GRIA2: variants seen among roughly 807,000 people sequenced by gnomAD.
GRIA2 encodes the protein glutamate receptor 2.
Under a neutral mutation model 97.3 loss-of-function variants are expected in GRIA2, and 14 were observed. The observed-to-expected ratio is 0.14, with a 90% CI of 0.10 to 0.23. GRIA2 has a LOEUF of 0.23. Ranked by LOEUF, GRIA2 falls within the 10% of genes least tolerant of loss-of-function variation. The pLI, the probability that GRIA2 is intolerant of heterozygous loss-of-function variation, is 1.00. For missense variants in GRIA2, 558 were observed against 1,069.8 expected, an observed-to-expected ratio of 0.52 and a Z score of 6.67; for synonymous variants, 412 against 387.8, an observed-to-expected ratio of 1.06 and a Z score of -0.73.
intron 2 of GRIA2, among the ~76,000 whole-genome samples, chr4:157,248,838 T>TA (rs1191369649): frequency 6.8e-6 from 1 of 146,128 alleles, no homozygotes; most frequent in Non-Finnish European, 1.5e-5. Context: ...TTTTTTTATT[T>TA]AAAAAAATAT....
intron 12 of GRIA2, among the ~76,000 whole-genome samples, chr4:157,346,569 A>G (rs2126962096): frequency 6.6e-6 from 1 of 152,218 alleles, no homozygotes; most frequent in Non-Finnish European, 1.5e-5. Context: ...GTCTCTATAT[A>G]TGCAGAACGT....
At chr4:157,226,153 C>T (rs930770233) in intron 2 of GRIA2, among the ~76,000 whole-genome samples, 1 of 151,820 alleles carries the variant, frequency 6.6e-6, no homozygotes, top group African/African-American at 2.4e-5. Flanking sequence ...TTTTATATTT[C>T]AATTCCATAC....
chr4:157,241,397 A>G (rs1730504751), intron 2 of GRIA2, among the ~76,000 whole-genome samples: 1 of 152,120 alleles, frequency 6.6e-6, no homozygotes, highest in South Asian at 2.1e-4. Flanking sequence ...GGGAACTTTT[A>G]AAGTCCATCC....
At chr4:157,279,202 C>A (rs1732484756) in intron 2 of GRIA2, among the ~76,000 whole-genome samples, 1 of 152,042 alleles carries the variant, frequency 6.6e-6, no homozygotes, top group African/African-American at 2.4e-5. Context: ...TGGAAACAAC[C>A]AAGATGTCCT....
intron 2 of GRIA2, among the ~76,000 whole-genome samples, chr4:157,281,215 T>C (rs746432760): frequency 6.6e-6 from 1 of 152,110 alleles, no homozygotes; most frequent in Non-Finnish European, 1.5e-5. Flanking sequence ...AATCTGTCCA[T>C]TGTATGCGCC....
chr4:157,296,212 C>T (rs1733341697), intron 2 of GRIA2, among the ~76,000 whole-genome samples: 1 of 151,900 alleles, frequency 6.6e-6, no homozygotes. Flanking sequence ...CGCTTTTTTC[C>T]TATTAGGAGA....
Position 157,361,377 on chromosome 4 carries a change from C to T in GRIA2, c.2406+253C>T, listed in dbSNP as rs762250802. ...TGTTGCACCTGCTGGTTACTTCCAG[C>T]GATACATTAATGCTCATTTGGCTCT... On this transcript the variant is annotated intron_variant, in intron 14 of 15. Coordinates refer to ENST00000264426, the MANE Select transcript of GRIA2 (RefSeq NM_001083619.3). This position sits in a 1 kb window ranked among gnomAD's most constrained non-coding sequence, Gnocchi z 5.2. 3.5e-4 allele frequency among the ~76,000 whole-genome samples: 53 copies of T among 152,138 alleles called. No homozygotes were observed. The highest frequency in any genetic ancestry group is 6.8e-4 in the Non-Finnish European group (46 of 68,036).
At chr4:157,281,609 A>G (rs953405643) in intron 2 of GRIA2, among the ~76,000 whole-genome samples, 1 of 152,086 alleles carries the variant, frequency 6.6e-6, no homozygotes, top group Non-Finnish European at 1.5e-5. Context: ...TTTTGTAAAT[A>G]TTATTTTGTA....
At chr4:157,355,315 G>T (rs1333946308) in intron 12 of GRIA2, among the ~76,000 whole-genome samples, 2 of 151,988 alleles carry the variant, frequency 1.3e-5, no homozygotes, top group South Asian at 4.1e-4. Flanking sequence ...ATCACCTGAG[G>T]TCAGGAGTTC....
chr4:157,320,452 A>C (rs1734509727), intron 5 of GRIA2, among the ~76,000 whole-genome samples: 1 of 152,148 alleles, frequency 6.6e-6, no homozygotes, highest in Non-Finnish European at 1.5e-5. Flanking sequence ...AAGCAACTTA[A>C]CTGGAACATA....
At chr4:157,329,254 C>A (rs1490914820) in intron 6 of GRIA2, among the ~76,000 whole-genome samples, 1 of 151,140 alleles carries the variant, frequency 6.6e-6, no homozygotes, top group Non-Finnish European at 1.5e-5. Context: ...AATTTTTGAC[C>A]CTGTTTTAAA....
chr4:157,365,449 C>G lies in GRIA2; in HGVS notation c.*2018C>G, dbSNP rs1014611770. 8 of 151,828 alleles carry G rather than the reference C, an allele frequency of 5.3e-5. No homozygotes were observed. The highest frequency in any genetic ancestry group is 1.9e-4 in the African/African-American group (8 of 41,354). 9.4% of individuals were successfully genotyped at this position (151,828 alleles called of 1,614,324 possible). On this transcript the variant is annotated 3_prime_UTR_variant, in exon 16 of 16. Transcript: ENST00000264426. ...CAATGCTATTTATTGTACCTCTGGGCCTACTCTTCTAAAAATTGTAGCTTA... is the reference window on the plus strand; with the variant it reads ...CAATGCTATTTATTGTACCTCTGGGGCTACTCTTCTAAAAATTGTAGCTTA...
At chr4:157,248,780 CTATATATATATATATATATA>C (rs36210142) in intron 2 of GRIA2, among the ~76,000 whole-genome samples, 1 of 122,334 alleles carries the variant, frequency 8.2e-6, no homozygotes, top group Non-Finnish European at 1.7e-5. Flanking sequence ...CTTTCTTTCA[CTATATATATATATATATATA>C]TATATATATA....
intron 2 of GRIA2, among the ~76,000 whole-genome samples, chr4:157,230,348 A>AT: frequency 6.6e-6 from 1 of 152,196 alleles, no homozygotes. Flanking sequence ...AAGGGAAAAT[A>AT]TTTTTTTCCT....
intron 2 of GRIA2, among the ~76,000 whole-genome samples, chr4:157,228,131 C>T (rs1338792931): frequency 6.6e-6 from 1 of 152,182 alleles, no homozygotes; most frequent in African/African-American, 2.4e-5. Context: ...CTGCTGTTAA[C>T]TGTGTGTTCT....
chr4:157,329,700 C>T (rs913634425), intron 6 of GRIA2, among the ~76,000 whole-genome samples: 8 of 151,868 alleles, frequency 5.3e-5, no homozygotes, highest in Admixed American at 2.6e-4. Context: ...TGCAAACCTA[C>T]TGGTCAATAA....
intron 2 of GRIA2, among the ~76,000 whole-genome samples, chr4:157,226,513 A>C (rs1379577204): frequency 6.6e-6 from 1 of 151,994 alleles, no homozygotes; most frequent in Non-Finnish European, 1.5e-5. Flanking sequence ...TTTTTTCAAC[A>C]TTTTTAATCT....
intron 2 of GRIA2, among the ~76,000 whole-genome samples, chr4:157,232,088 A>T (rs932102477): frequency 2.6e-5 from 4 of 152,244 alleles, no homozygotes; most frequent in Non-Finnish European, 5.9e-5. Context: ...TGCAATAATT[A>T]GTTTGGTCTA....
chr4:157,231,190 C>T (rs945508355), intron 2 of GRIA2, among the ~76,000 whole-genome samples: 18 of 152,026 alleles, frequency 1.2e-4, no homozygotes, highest in African/African-American at 2.7e-4. Context: ...AGGTGCACAC[C>T]GCCACGCCTG....
Sources: allele counts gnomAD v4.1 joint callset (sites outside exome capture counted in the v4.1 genomes callset), GRCh38; gene constraint gnomAD v4.1.1; non-coding constraint Gnocchi (gnomAD v3.1); transcripts MANE v1.5; gene names NCBI Gene and HGNC (gene_info 2026-07-23, HGNC 2026-07-21).